Variants in CLK2 observed in about 807,000 individuals in gnomAD.
CLK2 encodes the protein CDC like kinase 2.
Under a neutral mutation model 73.5 loss-of-function variants are expected in CLK2, and 12 were observed. That is an observed-to-expected ratio of 0.16 (90% CI 0.10 to 0.26). CLK2 has a LOEUF of 0.26. Among genes scored for constraint, CLK2 ranks in the 10% least tolerant of loss-of-function variants. The probability of loss-of-function intolerance (pLI) is 1.00; values close to 1 mark genes in which losing one functional copy is unlikely to be tolerated. For missense variants in CLK2, 509 were observed against 688.4 expected, an observed-to-expected ratio of 0.74 and a Z score of 2.92; for synonymous variants, 232 against 237.9, an observed-to-expected ratio of 0.98 and a Z score of 0.23.
At chr1:155,264,367 G>C in intron 10 of CLK2, 67 bp from the exon 11 acceptor site, 1 of 1,603,314 alleles carries the variant, frequency 6.2e-7, no homozygotes, top group South Asian at 1.1e-5. Flanking sequence ...CTGCCAGGAA[G>C]GCAGGCAATG....
intron 2 of CLK2, among the ~76,000 whole-genome samples, chr1:155,270,236 T>C (rs988443585): frequency 3.3e-5 from 5 of 151,046 alleles, no homozygotes; most frequent in East Asian, 1.9e-4. Flanking sequence ...CCAGGCATGA[T>C]GGCGCATGCC....
intron 12 of CLK2, 128 bp from the exon 13 acceptor site, chr1:155,263,528 C>A: frequency 2.1e-6 from 3 of 1,460,446 alleles, no homozygotes; most frequent in South Asian, 2.8e-5. Context: ...TACCTAACCA[C>A]GACCACACCA....
intron 2 of CLK2, 120 bp downstream of exon 2, chr1:155,270,688 C>A: frequency 8.6e-7 from 1 of 1,164,886 alleles, no homozygotes. Context: ...TTATCTATCC[C>A]GACATTACCT....
At chr1:155,266,040 C>CA in intron 7 of CLK2, 86 bp from the exon 8 acceptor site, 1 of 864,946 alleles carries the variant, frequency 1.2e-6, no homozygotes, top group Admixed American at 1.7e-5. Context: ...TTACCTAGGG[C>CA]AAAGCCAGTG....
chr1:155,268,914 T>C lies in CLK2; in HGVS notation c.400-119A>G. On this transcript the variant is annotated intron_variant, in intron 3 of 12. Transcript: ENST00000368361. This position sits in a 1 kb window ranked among gnomAD's most constrained non-coding sequence, Gnocchi z 5.6. ...GCGCCCAGCCAGGGGGGACAGACGA[T>C]GATGGGGGACAGTGGAAGGGAACAC... 1 of 681,090 alleles carries C rather than the reference T, an allele frequency of 1.5e-6. No individual in the cohort carries two copies. The highest frequency in any genetic ancestry group is 1.6e-5 in the South Asian group (1 of 63,878). 42.2% of individuals were successfully genotyped at this position (681,090 alleles called of 1,614,324 possible). A position where few individuals can be genotyped will look rare whatever the true frequency, so the allele number is the denominator to read the frequency against.
At position 155,268,278 on chromosome 1, in the gene CLK2, G is replaced by C; in HGVS notation, c.554+15C>G. On this transcript the variant is annotated intron_variant, in intron 5 of 12. Coordinates refer to ENST00000368361, the MANE Select transcript of CLK2 (RefSeq NM_001294338.2). The surrounding 1 kb of genome is among the most constrained non-coding windows in gnomAD (Gnocchi z 5.6). ...TCTCTTTAGCCCCACATAGTAGGGA[G>C]GGACTGACAGTTACCTGCGATGGTC... The C allele has an allele frequency of 6.2e-7, 1 of 1,613,226 alleles. No homozygotes were observed. The highest frequency in any genetic ancestry group is 8.5e-7 in the Non-Finnish European group (1 of 1,179,138).
At position 155,266,787 on chromosome 1, in the gene CLK2, C is replaced by A; in HGVS notation, c.780G>T (p.Leu260=). 6.2e-7 allele frequency: 1 copy of A among 1,613,580 alleles called. No homozygotes were observed. The highest frequency in any genetic ancestry group is 1.1e-5 in the South Asian group (1 of 90,904). ...TFDFLKDNNY[L]PYPIHQVRHM... Reference sequence around the variant, plus strand: ...GGCGCACTTGGTGGATGGGGTAGGGCAGGTAGTTGTTGTCTTTGAGGAAAT... The same window carrying A: ...GGCGCACTTGGTGGATGGGGTAGGGAAGGTAGTTGTTGTCTTTGAGGAAAT... The change falls in exon 7 of 13, where the codon CTG becomes CTT. Residue 260 remains leucine (L), a synonymous_variant. Transcript: ENST00000368361.
chr1:155,266,633 G>A (rs1302897986), intron 7 of CLK2, 96 bp downstream of exon 7: 5 of 1,308,810 alleles, frequency 3.8e-6, no homozygotes, highest in South Asian at 1.5e-5. Flanking sequence ...ATAACAGACA[G>A]CTGACTGTTT....
chr1:155,265,973 G>A lies in CLK2; in HGVS notation c.839-19C>T, dbSNP rs761972264. 2.6e-6 allele frequency: 4 copies of A among 1,557,124 alleles called. No individual in the cohort carries two copies. The Admixed American group carries it at 5.0e-5, about 19-fold the overall frequency. On this transcript the variant is annotated intron_variant, in intron 7 of 12. Coordinates refer to ENST00000368361, the MANE Select transcript of CLK2 (RefSeq NM_001294338.2). ...TGGAGGACTGTAGGGGAGAAGGCCA[G>A]GTCAGGCTTGGTGCAGGTGGCCAGA... is the stretch of plus-strand genomic sequence containing the variant.
At position 155,268,979 on chromosome 1, in the gene CLK2, C is replaced by T. The variant is rs148072571; in HGVS notation, c.400-184G>A. On this transcript the variant is annotated intron_variant, in intron 3 of 12. Transcript: ENST00000368361. This position sits in a 1 kb window ranked among gnomAD's most constrained non-coding sequence, Gnocchi z 5.6. ...GGTGGATCGGTGTGAGAAGAGAGAG[C>T]GGCGCATAATCCCAAGTCCCCAAAC... is the stretch of plus-strand genomic sequence containing the variant. 3.3e-3 allele frequency: 2,050 copies of T among 617,904 alleles called. 12 individuals are homozygous for T. Among genetic ancestry groups the T allele is most frequent in the Non-Finnish European group, 3.7e-3 (1,280 of 343,872 alleles). 38.3% of individuals were successfully genotyped at this position (617,904 alleles called of 1,614,324 possible).
At chr1:155,265,677 C>T (rs1432839240) in intron 8 of CLK2, among the ~76,000 whole-genome samples, 183 bp downstream of exon 8, 1 of 152,164 alleles carries the variant, frequency 6.6e-6, no homozygotes, top group African/African-American at 2.4e-5. Flanking sequence ...CAAGTTATCT[C>T]CCAATTTAAG....
rs1165286297 is a variant in CLK2, at chr1:155,264,037, C to G, written c.1230G>C (p.Lys410Asn). 11 of 1,613,730 alleles carry G rather than the reference C, an allele frequency of 6.8e-6. No homozygotes were observed. Among genetic ancestry groups the G allele is most frequent in the Non-Finnish European group, 9.3e-6 (11 of 1,179,604 alleles). The change falls in exon 12 of 13, where the codon AAG (lysine) becomes AAC (asparagine). Residue 410 changes from lysine (K) to asparagine (N), a missense_variant. Lys to Asn is a moderately conservative substitution (Grantham distance 94, BLOSUM62 0). Around this residue, in one of 6 missense-constraint regions of CLK2, gnomAD observed 134 missense variants for 146.0 expected, o/e 0.92. Coordinates refer to ENST00000368361, the MANE Select transcript of CLK2 (RefSeq NM_001294338.2). ...GGCGACCCCGGTAAAAATATTTCTG[C>G]TTTCTAGAGGGGAAGGGGAGGTTGA... ...IPSRMIRKTR[K>N]QKYFYRGRLD...
In CLK2 at chr1:155,265,184, G is replaced by A. The variant is rs142437332; in HGVS notation, c.934-410C>T. On this transcript the variant is annotated intron_variant, in intron 8 of 12. Transcript: ENST00000368361. ...AACATGTAGCAAAGGGGTCAAAGGA[G>A]GGAGAGCTTCTTTAGGTCTGAGATC... Among the ~76,000 whole-genome samples the A allele has an allele frequency of 2.0e-3, 302 of 152,306 alleles. 1 individual carries two copies. The highest frequency in any genetic ancestry group is 6.4e-3 in the African/African-American group (266 of 41,558).
intron 8 of CLK2, 48 bp from the exon 9 acceptor site, chr1:155,264,822 T>G (rs1377089769): frequency 1.2e-6 from 2 of 1,605,682 alleles, no homozygotes; most frequent in Non-Finnish European, 8.5e-7. Flanking sequence ...CAGACTGAGA[T>G]TCCACCAGTA....
At chr1:155,269,788 C>T (rs912298677) in intron 2 of CLK2, 72 bp from the exon 3 acceptor site, 1 of 1,399,734 alleles carries the variant, frequency 7.1e-7, no homozygotes, top group African/African-American at 1.4e-5. Context: ...GTGACAAGGT[C>T]CTGCCTTAGT....
rs142261254 is a variant in CLK2 at position 155,266,753 on chromosome 1, A to G, written c.814T>C (p.Phe272Leu). The G allele has an allele frequency of 6.2e-7, 1 of 1,613,260 alleles. No homozygotes were observed. The highest frequency in any genetic ancestry group is 8.5e-7 in the Non-Finnish European group (1 of 1,179,714). Residue 272 changes from phenylalanine (F) to leucine (L), a missense_variant, in exon 7 of 13, where the codon TTC becomes CTC. Phe to Leu is a conservative substitution (Grantham distance 22). This residue lies in a region of CLK2 where 27 missense variants were observed against 30.5 expected (regional missense o/e 0.89). Coordinates refer to ENST00000368361, the MANE Select transcript of CLK2 (RefSeq NM_001294338.2). ...YPIHQVRHMAFQLCQAVKFLH... is the reference protein window; with the variant it reads ...YPIHQVRHMALQLCQAVKFLH... ...CACTTGACAGCCTGGCACAGCTGGA[A>G]GGCCATGTGGCGCACTTGGTGGATG...
chr1:155,264,934 C>A (rs1184974057), intron 8 of CLK2, among the ~76,000 whole-genome samples, 160 bp from the exon 9 acceptor site: 1 of 152,184 alleles, frequency 6.6e-6, no homozygotes, highest in Non-Finnish European at 1.5e-5. Context: ...CCACATCCAG[C>A]ATAATACTTT....
rs35358437 is a variant in CLK2 at position 155,270,203 on chromosome 1, C to CA, written c.171-488dup. On this transcript the variant is annotated intron_variant, in intron 2 of 12. Coordinates refer to ENST00000368361, the MANE Select transcript of CLK2 (RefSeq NM_001294338.2). Reference sequence around the variant, plus strand: ...TGAAATCCTGTCTCTACTAAAAATACAAAAAAAAAAAAAAAAAATTAGCCA... The same window carrying CA: ...TGAAATCCTGTCTCTACTAAAAATACAAAAAAAAAAAAAAAAAAATTAGCCA... 5.8e-3 allele frequency among the ~76,000 whole-genome samples: 643 copies of CA among 111,616 alleles called. 23 individuals carry two copies. The South Asian group carries it at 0.1, about 18-fold the overall frequency. The allele number at this position is 111,616 out of a possible 152,430, so 73.2% of individuals were successfully genotyped here.
At chr1:155,264,823 T>C in intron 8 of CLK2, 49 bp from the exon 9 acceptor site, 5 of 1,604,872 alleles carry the variant, frequency 3.1e-6, no homozygotes, top group Non-Finnish European at 4.3e-6. Context: ...AGACTGAGAT[T>C]CCACCAGTAT....
Sources: allele counts gnomAD v4.1 joint callset (sites outside exome capture counted in the v4.1 genomes callset), GRCh38; gene constraint gnomAD v4.1.1; regional missense constraint gnomAD v4.1.1; non-coding constraint Gnocchi (gnomAD v3.1); transcripts MANE v1.5; gene names NCBI Gene and HGNC (gene_info 2026-07-23, HGNC 2026-07-21).